CCDC91: variants seen among roughly 807,000 people sequenced by gnomAD.
CCDC91 encodes the protein coiled-coil domain containing 91, also known as coiled-coil domain-containing protein 91.
In CCDC91, 48 loss-of-function variants were observed where a neutral mutation model predicts 63.2. The observed-to-expected ratio is 0.76, with a 90% CI of 0.60 to 0.97. The LOEUF (loss-of-function observed/expected upper bound fraction) is 0.97, where lower values mean the gene tolerates loss of function less well. Among genes scored for constraint, CCDC91 ranks in the 50% least tolerant of loss-of-function variants. The probability of loss-of-function intolerance (pLI) is 0.00; values close to 1 mark genes in which losing one functional copy is unlikely to be tolerated. For missense variants in CCDC91, 500 were observed against 494.6 expected, an observed-to-expected ratio of 1.01 and a Z score of -0.10; for synonymous variants, 167 against 165.8, an observed-to-expected ratio of 1.01 and a Z score of -0.06.
chr12:28,238,695 A>G (rs1181594825), intron 1 of CCDC91, among the ~76,000 whole-genome samples: 1 of 152,194 alleles, frequency 6.6e-6, no homozygotes, highest in Non-Finnish European at 1.5e-5. Context: ...TGTATTTATT[A>G]TGTATCTACA....
chr12:28,508,049 G>A (rs1345313571), intron 12 of CCDC91, among the ~76,000 whole-genome samples: 5 of 151,890 alleles, frequency 3.3e-5, no homozygotes, highest in Non-Finnish European at 5.9e-5. Flanking sequence ...AGTTGTTGGA[G>A]AGGGACTCAA....
chr12:28,313,550 G>A (rs1432695521), intron 6 of CCDC91, among the ~76,000 whole-genome samples: 1 of 151,990 alleles, frequency 6.6e-6, no homozygotes. Flanking sequence ...TAAATGGAAT[G>A]TTTGTAAAAC....
At chr12:28,406,277 T>TAA (rs58830565) in intron 8 of CCDC91, among the ~76,000 whole-genome samples, 5 of 128,928 alleles carry the variant, frequency 3.9e-5, no homozygotes, top group Non-Finnish European at 6.9e-5. Flanking sequence ...GTTCTTCCAA[T>TAA]AAAAAAAAAA....
chr12:28,519,378 T>A (rs966930067), intron 12 of CCDC91, among the ~76,000 whole-genome samples: 3 of 151,894 alleles, frequency 2.0e-5, no homozygotes, highest in Non-Finnish European at 4.4e-5. Context: ...GGTCACTTGG[T>A]GTACAGAAGA....
chr12:28,195,200 T>C (rs1203269393), intron 1 of CCDC91, among the ~76,000 whole-genome samples: 3 of 151,932 alleles, frequency 2.0e-5, no homozygotes, highest in East Asian at 3.9e-4. Flanking sequence ...TGTTGATTGG[T>C]GCATTTACAA....
chr12:28,267,232 C>T (rs941832332), intron 3 of CCDC91, among the ~76,000 whole-genome samples: 20 of 151,552 alleles, frequency 1.3e-4, no homozygotes, highest in African/African-American at 4.8e-4. Flanking sequence ...ACAATTGTGT[C>T]GTGTCTATTT....
intron 12 of CCDC91, among the ~76,000 whole-genome samples, chr12:28,534,187 A>G (rs957600242): frequency 2.5e-4 from 38 of 152,272 alleles, no homozygotes; most frequent in Admixed American, 1.5e-3. Flanking sequence ...ACTTTTTGGT[A>G]TTTTAATTTC....
intron 8 of CCDC91, among the ~76,000 whole-genome samples, chr12:28,397,838 C>G (rs1002724963): frequency 3.3e-5 from 5 of 151,940 alleles, no homozygotes; most frequent in African/African-American, 1.2e-4. Flanking sequence ...TTATGTTGCC[C>G]TTAATCTTTT....
At chr12:28,472,456 G>A (rs1439788438) in intron 11 of CCDC91, among the ~76,000 whole-genome samples, 1 of 152,082 alleles carries the variant, frequency 6.6e-6, no homozygotes, top group African/African-American at 2.4e-5. Context: ...AATTTTTATT[G>A]AAATTAAAAG....
At chr12:28,530,663 A>G (rs1169497840) in intron 12 of CCDC91, among the ~76,000 whole-genome samples, 1 of 152,176 alleles carries the variant, frequency 6.6e-6, no homozygotes, top group Non-Finnish European at 1.5e-5. Flanking sequence ...TTATATCTCC[A>G]TGGTGTGACC....
intron 6 of CCDC91, among the ~76,000 whole-genome samples, chr12:28,350,183 A>G (rs1943088015): frequency 6.6e-6 from 1 of 152,110 alleles, no homozygotes; most frequent in African/African-American, 2.4e-5. Context: ...AAAACAGAAA[A>G]CCTATACTCT....
intron 11 of CCDC91, among the ~76,000 whole-genome samples, chr12:28,472,590 G>T (rs1324863718): frequency 6.6e-6 from 1 of 152,058 alleles, no homozygotes; most frequent in Non-Finnish European, 1.5e-5. Flanking sequence ...ACAAATGTTT[G>T]TTAGTTGGTT....
At chr12:28,468,250 A>G (rs1036246223) in intron 11 of CCDC91, among the ~76,000 whole-genome samples, 1 of 151,836 alleles carries the variant, frequency 6.6e-6, no homozygotes, top group South Asian at 2.1e-4. Flanking sequence ...AGGAGACACT[A>G]CATCTGGTAT....
chr12:28,387,847 C>T (rs553892083), intron 7 of CCDC91, among the ~76,000 whole-genome samples: 4 of 152,140 alleles, frequency 2.6e-5, no homozygotes, highest in Admixed American at 1.3e-4. Context: ...CCGCTATAAA[C>T]GTGTGTTCAA....
rs550571650 is a variant in CCDC91 at position 28,323,115 on chromosome 12, G to A, written c.576+15366G>A. Among the ~76,000 whole-genome samples, 155 of 151,042 alleles carry A rather than the reference G, an allele frequency of 1.0e-3. 1 individual carries two copies. Among genetic ancestry groups the A allele is most frequent in the African/African-American group, 3.4e-3 (140 of 41,308 alleles). On this transcript the variant is annotated intron_variant, in intron 6 of 12. Coordinates refer to ENST00000536442, the MANE Select transcript of CCDC91 (RefSeq NM_018318.5). The stretch of plus-strand genomic sequence containing the variant: ...TATGTTGATAGCTTTTTCTACAGTT[G>A]ATTTAAAAAATTAACTCTAGTAAAT...
rs75632779 is a variant in CCDC91, at chr12:28,545,131, T to A, written c.1216-3932T>A. ...AGCTACTCTATTATGAAGAGATTTT[T>A]AACCCCATATCAAAAAAATATTTGC... On this transcript the variant is annotated intron_variant, in intron 12 of 12. Coordinates refer to ENST00000536442, the MANE Select transcript of CCDC91 (RefSeq NM_018318.5). Among the ~76,000 whole-genome samples, 1,445 of 152,100 alleles carry A rather than the reference T, an allele frequency of 9.5e-3. 26 individuals are homozygous for A. The highest frequency in any genetic ancestry group is 0.033 in the African/African-American group (1,386 of 41,514).
intron 6 of CCDC91, among the ~76,000 whole-genome samples, chr12:28,334,508 G>C (rs1201101678): frequency 6.6e-6 from 1 of 151,974 alleles, no homozygotes; most frequent in African/African-American, 2.4e-5. Context: ...GGTCTAGTCT[G>C]GGGAGGGGTT....
At chr12:28,488,221 C>T (rs973197296) in intron 12 of CCDC91, among the ~76,000 whole-genome samples, 2 of 151,710 alleles carry the variant, frequency 1.3e-5, no homozygotes, top group Non-Finnish European at 3.0e-5. Context: ...AGAGATGTCA[C>T]TAAACTTTAA....
chr12:28,435,259 C>T (rs1303165343), intron 8 of CCDC91, among the ~76,000 whole-genome samples: 1 of 151,402 alleles, frequency 6.6e-6, no homozygotes, highest in Non-Finnish European at 1.5e-5. Context: ...AAAATATATT[C>T]TGGGCACTGC....
Sources: gnomAD v4.1 joint callset for allele counts (sites outside exome capture counted in the v4.1 genomes callset) on GRCh38, gnomAD v4.1.1 for gene constraint, MANE v1.5 for transcripts, NCBI Gene and HGNC (gene_info 2026-07-23, HGNC 2026-07-21) for gene names.